PKN2: variants seen among roughly 807,000 people sequenced by gnomAD.
PKN2 encodes serine/threonine-protein kinase N2.
A neutral mutation model predicts 119.1 loss-of-function variants in PKN2; 38 were observed. That is an observed-to-expected ratio of 0.32 (90% CI 0.25 to 0.42). The LOEUF is 0.42. PKN2 is among the 10% of genes least tolerant of loss of function. The pLI, the probability that PKN2 is intolerant of heterozygous loss-of-function variation, is 1.00. For synonymous variants in PKN2, 390 were observed against 384.9 expected, an observed-to-expected ratio of 1.01 and a Z score of -0.15; for missense variants, 850 against 1,165.1, an observed-to-expected ratio of 0.73 and a Z score of 3.94.
intron 1 of PKN2, among the ~76,000 whole-genome samples, chr1:88,702,439 A>G (rs1666812141): frequency 6.6e-6 from 1 of 152,172 alleles, no homozygotes; most frequent in East Asian, 1.9e-4. Flanking sequence ...TTATTTTTTC[A>G]TACTTTGACA....
chr1:88,742,849 T>C (rs2100748250), intron 2 of PKN2, among the ~76,000 whole-genome samples: 1 of 152,314 alleles, frequency 6.6e-6, no homozygotes, highest in South Asian at 2.1e-4. Context: ...AGAAGAGTTT[T>C]ATCATCACGA....
At chr1:88,755,186 G>A (rs1557589595) in intron 2 of PKN2, among the ~76,000 whole-genome samples, 1 of 152,092 alleles carries the variant, frequency 6.6e-6, no homozygotes, top group Non-Finnish European at 1.5e-5. Flanking sequence ...GGGAGTTCTA[G>A]TTTTCCTTGT....
intron 2 of PKN2, among the ~76,000 whole-genome samples, chr1:88,759,156 A>T (rs375636428): frequency 2.6e-5 from 4 of 152,182 alleles, no homozygotes; most frequent in African/African-American, 9.7e-5. Context: ...CGAGGTCAGG[A>T]GTTCGAGAGC....
intron 2 of PKN2, among the ~76,000 whole-genome samples, chr1:88,742,199 A>G (rs901620781): frequency 1.3e-5 from 2 of 152,180 alleles, no homozygotes; most frequent in Non-Finnish European, 2.9e-5. Context: ...TAATACACCT[A>G]TAGCATGGTA....
intron 6 of PKN2, among the ~76,000 whole-genome samples, chr1:88,782,635 T>A (rs1670392779): frequency 6.6e-6 from 1 of 152,170 alleles, no homozygotes; most frequent in Non-Finnish European, 1.5e-5. Context: ...TTTTTTTTAA[T>A]CTCAGATATT....
At position 88,684,311 on chromosome 1, in the gene PKN2, C is replaced by G; in HGVS notation, c.-270C>G. On this transcript the variant is annotated 5_prime_UTR_variant, in exon 1 of 22. Coordinates refer to ENST00000370521, the MANE Select transcript of PKN2 (RefSeq NM_006256.4). ...CCGCACGGAGAGGCTTGAGGCGGCT[C>G]CTGGCGTCGCCCAGAGGGAGCGACT... 1 of 403,438 alleles carries G rather than the reference C, an allele frequency of 2.5e-6. No homozygotes were observed. Among genetic ancestry groups the G allele is most frequent in the Non-Finnish European group, 4.4e-6 (1 of 225,790 alleles). The allele number at this position is 403,438 out of a possible 1,614,324, so 25.0% of individuals were successfully genotyped here.
At chr1:88,747,260 T>G (rs903083637) in intron 2 of PKN2, among the ~76,000 whole-genome samples, 2 of 152,146 alleles carry the variant, frequency 1.3e-5, no homozygotes, top group Non-Finnish European at 2.9e-5. Flanking sequence ...AAAGAAAGGT[T>G]GTTAAATCCC....
intron 1 of PKN2, among the ~76,000 whole-genome samples, chr1:88,713,389 A>G (rs1358459585): frequency 1.3e-5 from 2 of 152,312 alleles, no homozygotes; most frequent in African/African-American, 2.4e-5. Flanking sequence ...TTACACTCCC[A>G]CCAACAGTGT....
At chr1:88,830,104 A>G (rs1397282238) in intron 19 of PKN2, among the ~76,000 whole-genome samples, 1 of 152,190 alleles carries the variant, frequency 6.6e-6, no homozygotes, top group African/African-American at 2.4e-5. Context: ...GGAGGTGTAA[A>G]TAGAGACACA....
chr1:88,820,970 C>G (rs975498556), intron 16 of PKN2, among the ~76,000 whole-genome samples: 5 of 152,190 alleles, frequency 3.3e-5, no homozygotes, highest in African/African-American at 1.2e-4. Context: ...GGTCCTGCGC[C>G]TCAAGAATTA....
intron 1 of PKN2, among the ~76,000 whole-genome samples, chr1:88,734,128 C>T (rs1490129047): frequency 1.3e-5 from 2 of 151,054 alleles, no homozygotes; most frequent in Non-Finnish European, 2.9e-5. Flanking sequence ...CACTGCACTC[C>T]AGCCTGGGTA....
At chr1:88,708,649 A>G (rs1667099213) in intron 1 of PKN2, among the ~76,000 whole-genome samples, 1 of 138,660 alleles carries the variant, frequency 7.2e-6, no homozygotes, top group South Asian at 2.3e-4. Context: ...TAAAGTAGAG[A>G]TGGGGTTTCA....
intron 16 of PKN2, among the ~76,000 whole-genome samples, chr1:88,817,203 G>A (rs539257007): frequency 1.1e-4 from 17 of 152,098 alleles, no homozygotes; most frequent in African/African-American, 2.2e-4. Flanking sequence ...TATCCACCAC[G>A]ATCAAGTCGG....
At chr1:88,709,076 CA>C (rs1667119131) in intron 1 of PKN2, among the ~76,000 whole-genome samples, 1 of 150,470 alleles carries the variant, frequency 6.6e-6, no homozygotes, top group East Asian at 1.9e-4. Flanking sequence ...TTTTTTGAGA[CA>C]GAGTTTTGTT....
chr1:88,739,103 C>T (rs754483897), intron 1 of PKN2, among the ~76,000 whole-genome samples: 7 of 152,056 alleles, frequency 4.6e-5, no homozygotes, highest in Non-Finnish European at 7.4e-5. Flanking sequence ...ACCTAGGATC[C>T]GTGGAACCTG....
At chr1:88,802,005 G>A (rs1259152435) in intron 8 of PKN2, among the ~76,000 whole-genome samples, 3 of 152,180 alleles carry the variant, frequency 2.0e-5, no homozygotes, top group African/African-American at 4.8e-5. Context: ...GTTTAAGGAA[G>A]CAACAACATT....
chr1:88,780,766 G>A (rs756046132), intron 6 of PKN2, among the ~76,000 whole-genome samples: 49 of 152,120 alleles, frequency 3.2e-4, no homozygotes, highest in Non-Finnish European at 6.3e-4. Flanking sequence ...GCTCAATGCT[G>A]AACACATTGT....
chr1:88,727,087 T>C (rs1012798719), intron 1 of PKN2, among the ~76,000 whole-genome samples: 2 of 152,060 alleles, frequency 1.3e-5, no homozygotes, highest in Admixed American at 1.3e-4. Context: ...AGTTTTTGCT[T>C]CCTGTGTTTT....
chr1:88,724,092 A>G (rs1025542349), intron 1 of PKN2, among the ~76,000 whole-genome samples: 7 of 152,222 alleles, frequency 4.6e-5, no homozygotes, highest in African/African-American at 1.2e-4. Context: ...GTTAAGTTAG[A>G]TAACTATTTA....
Sources: allele counts gnomAD v4.1 joint callset (sites outside exome capture counted in the v4.1 genomes callset), GRCh38; gene constraint gnomAD v4.1.1; transcripts MANE v1.5; gene names NCBI Gene and HGNC (gene_info 2026-07-23, HGNC 2026-07-21).